The following C19orf44 variants were observed in gnomAD, a reference collection of about 807,000 sequenced individuals.
C19orf44 encodes the protein chromosome 19 open reading frame 44.
Under a neutral mutation model 50.7 loss-of-function variants are expected in C19orf44, and 43 were observed. That is an observed-to-expected ratio of 0.85 (90% confidence interval 0.66 to 1.09). The LOEUF (loss-of-function observed/expected upper bound fraction) is 1.09, where lower values mean the gene tolerates loss of function less well. C19orf44 is among the 50% of genes least tolerant of loss of function. The pLI is 0.00. For missense variants in C19orf44, 722 were observed against 836.2 expected (o/e 0.86, Z 1.68); for synonymous variants, 298 against 334.7 (o/e 0.89, Z 1.20).
At chr19:16,512,429 GA>G (rs2093460156) in intron 5 of C19orf44, among the ~76,000 whole-genome samples, 1 of 152,104 alleles carries the variant, frequency 6.6e-6, no homozygotes, top group Admixed American at 6.6e-5. Context: ...GAAGGGCTGG[GA>G]AAGCACATCC....
chr19:16,516,321 C>T (rs1287522617), intron 7 of C19orf44, among the ~76,000 whole-genome samples: 4 of 151,934 alleles, frequency 2.6e-5, no homozygotes, highest in Non-Finnish European at 5.9e-5. Context: ...GGTGTGTGCC[C>T]GTAGTCCCAG....
Position 16,519,467 on chromosome 19 carries a change from C to T in C19orf44, c.*41-627C>T, listed in dbSNP as rs114518758. The stretch of plus-strand genomic sequence containing the variant: ...ACATGGGAAATGGGTAGAGAGAACC[C>T]GCAGGCCGGCCCTGTCTAGAGGGTC... On this transcript the variant is annotated intron_variant, in intron 8 of 8. Coordinates refer to ENST00000221671, the MANE Select transcript of C19orf44 (RefSeq NM_032207.4). This position sits in a 1 kb window ranked among gnomAD's most constrained non-coding sequence, Gnocchi z 6.0. 6.4e-4 allele frequency: 835 copies of T among 1,296,178 alleles called. 4 individuals carry two copies. The African/African-American group carries it at 0.01, about 16-fold the overall frequency. 80.3% of individuals were successfully genotyped at this position (1,296,178 alleles called of 1,614,324 possible). A position where few individuals can be genotyped will look rare whatever the true frequency, so the allele number is the denominator to read the frequency against.
chr19:16,502,987 A>C (rs1599729894), intron 2 of C19orf44, 78 bp from the exon 3 acceptor site: 2 of 349,858 alleles, frequency 5.7e-6, no homozygotes, highest in Non-Finnish European at 7.9e-6. Flanking sequence ...ACCCTTTCTC[A>C]AAAAAAAAAA....
At chr19:16,500,384 A>T (rs2093421612) in intron 1 of C19orf44, among the ~76,000 whole-genome samples, 1 of 137,410 alleles carries the variant, frequency 7.3e-6, no homozygotes. Context: ...ACAGGGTTTC[A>T]CTCTGTAGCC....
chr19:16,496,507 G>A (rs2093409617), intron 1 of C19orf44, 42 bp downstream of exon 1: 9 of 316,986 alleles, frequency 2.8e-5, no homozygotes, highest in South Asian at 2.5e-4. Flanking sequence ...TGGGCGTCCG[G>A]GCTCGCGAGG....
chr19:16,501,019 T>A lies in C19orf44; in HGVS notation c.227T>A (p.Leu76His), dbSNP rs2093423610. Residue 76 changes from leucine (L) to histidine (H), a missense_variant, in exon 2 of 9, where the codon CTT becomes CAT. Leu to His is a moderately conservative substitution (Grantham distance 99). Transcript: ENST00000221671. ...CCTGTGCTCGGGAGTGGACCCAGGCTTGCCTCATGTAGACCGCCCACCACT... is the reference window on the plus strand; with the variant it reads ...CCTGTGCTCGGGAGTGGACCCAGGCATGCCTCATGTAGACCGCCCACCACT... The part of the protein sequence containing the change: ...ENPVLGSGPR[L>H]ASCRPPTTAS... 1 of 1,614,064 alleles carries A rather than the reference T, an allele frequency of 6.2e-7. No homozygotes were observed. The highest frequency in any genetic ancestry group is 8.5e-7 in the Non-Finnish European group (1 of 1,179,990).
rs1599745497 is a variant in C19orf44, at chr19:16,520,735, T to C, written c.*682T>C. On this transcript the variant is annotated 3_prime_UTR_variant, in exon 9 of 9. Transcript: ENST00000221671. The surrounding 1 kb of genome is among the most constrained non-coding windows in gnomAD (Gnocchi z 4.0). ...CCCATAGGCACAGGCTGTGTGAGGG[T>C]GGACGTGATGAGTGTATCTGGGGTC... is the stretch of plus-strand genomic sequence containing the variant. 1.5e-6 allele frequency: 2 copies of C among 1,314,706 alleles called. No homozygotes were observed. The highest frequency in any genetic ancestry group is 2.2e-6 in the Non-Finnish European group (2 of 915,918). 81.4% of individuals were successfully genotyped at this position (1,314,706 alleles called of 1,614,324 possible).
chr19:16,505,268 C>CA (rs913546261), intron 3 of C19orf44, among the ~76,000 whole-genome samples: 2 of 150,952 alleles, frequency 1.3e-5, no homozygotes, highest in African/African-American at 4.9e-5. Flanking sequence ...GGCTGGAGTG[C>CA]AATGGCGTGA....
In C19orf44 at chr19:16,501,534, G is replaced by A; in HGVS notation, c.742G>A (p.Glu248Lys). The A allele has an allele frequency of 7.1e-7, 1 of 1,405,762 alleles. No individual in the cohort carries two copies. Among genetic ancestry groups the A allele is most frequent in the Non-Finnish European group, 9.3e-7 (1 of 1,072,074 alleles). The allele number at this position is 1,405,762 out of a possible 1,614,324, so 87.1% of individuals were successfully genotyped here. Residue 248 changes from glutamate (E) to lysine (K), a missense_variant, in exon 2 of 9, where the codon GAA (glutamate) becomes AAA (lysine). Transcript: ENST00000221671. ...FSSANVSEEE[E>K]RKLFSVPSQL... ...CAGCGCTAACGTCAGCGAGGAAGAA[G>A]AAAGAAAACTATTTTCGGTGAGATT... is the stretch of plus-strand genomic sequence containing the variant.
chr19:16,513,544 C>T (rs984031778), intron 6 of C19orf44, among the ~76,000 whole-genome samples: 11 of 151,774 alleles, frequency 7.2e-5, no homozygotes, highest in African/African-American at 2.2e-4. Flanking sequence ...CCACCACGCC[C>T]GGCTAATTTT....
rs753692161 is a variant in C19orf44 at position 16,517,291 on chromosome 19, A to C, written c.1964A>C (p.Lys655Thr). 1.2e-6 allele frequency: 2 copies of C among 1,614,084 alleles called. No homozygotes were observed. The highest frequency in any genetic ancestry group is 8.5e-7 in the Non-Finnish European group (1 of 1,179,988). ...TMEDALEEVN[K>T]EL is the part of the protein sequence containing the mutation. ...GAGGATGCCCTGGAGGAGGTGAACA[A>C]GGAGCTGTGAGCGCCAGCAGGTGGA... Residue 655 changes from lysine to threonine, a missense_variant, in exon 8 of 9, where the codon AAG becomes ACG. Transcript: ENST00000221671.
intron 2 of C19orf44, among the ~76,000 whole-genome samples, chr19:16,502,447 G>A (rs191102816): frequency 5.3e-5 from 8 of 151,546 alleles, no homozygotes; most frequent in Admixed American, 6.6e-5. Context: ...CCTGTTGGCC[G>A]TGATGGTCTC....
Position 16,513,049 on chromosome 19 carries a change from G to A in C19orf44, c.1675G>A (p.Gly559Ser). The A allele has an allele frequency of 6.2e-7, 1 of 1,613,710 alleles. No individual in the cohort carries two copies. Among genetic ancestry groups the A allele is most frequent in the Non-Finnish European group, 8.5e-7 (1 of 1,180,024 alleles). The part of the protein sequence containing the change: ...SMAAMGPALG[G>S]AYVDPTPIAN... ...GGCAGCCATGGGGCCTGCCCTGGGA[G>A]GCGCCTACGTGGACCCGACACCCAT... The change falls in exon 6 of 9, where the codon GGC (glycine) becomes AGC (serine). Residue 559 changes from glycine (G) to serine (S), a missense_variant. Transcript: ENST00000221671.
In C19orf44 at chr19:16,519,886, G is replaced by A. The variant is rs2085592270; in HGVS notation, c.*41-208G>A. On this transcript the variant is annotated intron_variant, in intron 8 of 8. Coordinates refer to ENST00000221671, the MANE Select transcript of C19orf44 (RefSeq NM_032207.4). The surrounding 1 kb of genome is among the most constrained non-coding windows in gnomAD (Gnocchi z 6.0). ...TATCCTGTCTCAGCTAGATAAGGGG[G>A]CTCCAGACGCTGGCCCCCACCCCAC... 1.5e-6 allele frequency: 1 copy of A among 682,284 alleles called. No homozygotes were observed. 42.3% of individuals were successfully genotyped at this position (682,284 alleles called of 1,614,324 possible).
At position 16,520,006 on chromosome 19, in the gene C19orf44, T is replaced by G; in HGVS notation, c.*41-88T>G. ...AGGCTTCGCCAAGTGGCTACTGTGG[T>G]GAAGGGTGAGGGGTGCCACTGTCCC... is the stretch of plus-strand genomic sequence containing the variant. On this transcript the variant is annotated intron_variant, in intron 8 of 8. Coordinates refer to ENST00000221671, the MANE Select transcript of C19orf44 (RefSeq NM_032207.4). The surrounding 1 kb of genome is among the most constrained non-coding windows in gnomAD (Gnocchi z 4.0). 1 of 876,962 alleles carries G rather than the reference T, an allele frequency of 1.1e-6. No homozygotes were observed. 54.3% of individuals were successfully genotyped at this position (876,962 alleles called of 1,614,324 possible).
intron 4 of C19orf44, among the ~76,000 whole-genome samples, chr19:16,508,813 G>A (rs2093447840): frequency 6.7e-6 from 1 of 149,662 alleles, no homozygotes; most frequent in Admixed American, 6.7e-5. Flanking sequence ...CATTTCATCA[G>A]TCCATGATGA....
At chr19:16,506,958 C>A (rs893727263) in intron 4 of C19orf44, among the ~76,000 whole-genome samples, 184 bp downstream of exon 4, 3 of 152,078 alleles carry the variant, frequency 2.0e-5, no homozygotes, top group African/African-American at 7.2e-5. Flanking sequence ...CAGGTGTGAG[C>A]GACCATGCCT....
rs2085604669 is a variant in C19orf44 at position 16,520,676 on chromosome 19, G to A, written c.*623G>A. ...CCTAAATAGTGTGGCCGAGCCTGCT[G>A]CTGTGTGAATTCAGGCCTTGTGGAA... On this transcript the variant is annotated 3_prime_UTR_variant, in exon 9 of 9. Transcript: ENST00000221671. This position sits in a 1 kb window ranked among gnomAD's most constrained non-coding sequence, Gnocchi z 4.0. 2.7e-6 allele frequency: 3 copies of A among 1,127,450 alleles called. No homozygotes were observed. The highest frequency in any genetic ancestry group is 2.7e-5 in the South Asian group (2 of 74,926). The allele number at this position is 1,127,450 out of a possible 1,614,324, so 69.8% of individuals were successfully genotyped here.
At position 16,503,108 on chromosome 19, in the gene C19orf44, T is replaced by C; in HGVS notation, c.803T>C (p.Leu268Pro). 2.5e-6 allele frequency: 4 copies of C among 1,614,054 alleles called. No individual in the cohort carries two copies. The highest frequency in any genetic ancestry group is 3.4e-6 in the Non-Finnish European group (4 of 1,180,030). The change falls in exon 3 of 9, where the codon CTC becomes CCC. Residue 268 changes from leucine (L) to proline (P), a missense_variant. Leu to Pro is a moderately conservative substitution (Grantham distance 98). Transcript: ENST00000221671. ...LRAFTVPSVELSSAKPSQTSH... is the reference protein window; with the variant it reads ...LRAFTVPSVEPSSAKPSQTSH... ...GCATTTACTGTACCCAGCGTGGAAC[T>C]CTCCAGCGCAAAGCCTTCTCAGACA...
Sources: allele counts gnomAD v4.1 joint callset (sites outside exome capture counted in the v4.1 genomes callset), GRCh38; gene constraint gnomAD v4.1.1; non-coding constraint Gnocchi (gnomAD v3.1); transcripts MANE v1.5; gene names NCBI Gene and HGNC (gene_info 2026-07-23, HGNC 2026-07-21).